The following KCNIP4 variants were observed in gnomAD, a reference collection of about 807,000 sequenced individuals.
KCNIP4 encodes potassium voltage-gated channel interacting protein 4.
Under a neutral mutation model 34.0 loss-of-function variants are expected in KCNIP4, and 12 were observed. The observed-to-expected ratio is 0.35, with a 90% CI of 0.23 to 0.57. The LOEUF (loss-of-function observed/expected upper bound fraction) is 0.57. Ranked by LOEUF, KCNIP4 falls within the 20% of genes least tolerant of loss-of-function variation. KCNIP4 has a pLI of 0.83. For synonymous variants in KCNIP4, 124 were observed against 102.2 expected (o/e 1.21, Z -1.29); for missense variants, 238 against 311.7 (o/e 0.76, Z 1.78).
chr4:21,464,916 G>A (rs1335608446), intron 1 of KCNIP4, among the ~76,000 whole-genome samples: 2 of 151,810 alleles, frequency 1.3e-5, no homozygotes, highest in Admixed American at 6.6e-5. Flanking sequence ...ACCCCTCTAC[G>A]ACCATGGAAA....
chr4:21,590,319 G>T (rs1234286340), intron 1 of KCNIP4, among the ~76,000 whole-genome samples: 3 of 151,990 alleles, frequency 2.0e-5, no homozygotes, highest in African/African-American at 4.8e-5. Context: ...GGATGGCATA[G>T]ACCTTATTTG....
At chr4:20,974,600 G>C (rs1268617920) in intron 1 of KCNIP4, among the ~76,000 whole-genome samples, 2 of 152,082 alleles carry the variant, frequency 1.3e-5, no homozygotes, top group Non-Finnish European at 2.9e-5. Context: ...TAAAAGTGTT[G>C]CTCAGATGCA....
chr4:21,090,036 T>C (rs535477033), intron 1 of KCNIP4, among the ~76,000 whole-genome samples: 1 of 152,294 alleles, frequency 6.6e-6, no homozygotes, highest in African/African-American at 2.4e-5. Context: ...TTTCATTTTA[T>C]AGTGTTCATT....
At chr4:21,424,096 G>A (rs962194504) in intron 1 of KCNIP4, among the ~76,000 whole-genome samples, 1 of 151,350 alleles carries the variant, frequency 6.6e-6, no homozygotes, top group Non-Finnish European at 1.5e-5. Flanking sequence ...TGGGATTACA[G>A]GCGTGAGCCA....
At chr4:21,238,521 C>A (rs1759547974) in intron 1 of KCNIP4, among the ~76,000 whole-genome samples, 1 of 152,178 alleles carries the variant, frequency 6.6e-6, no homozygotes, top group African/African-American at 2.4e-5. Context: ...TGATAAGCAA[C>A]TTCAGCAAAG....
intron 1 of KCNIP4, among the ~76,000 whole-genome samples, chr4:21,091,903 G>T (rs991378886): frequency 6.6e-6 from 1 of 152,030 alleles, no homozygotes; most frequent in African/African-American, 2.4e-5. Flanking sequence ...GCATTTTGAG[G>T]GGAAACCAAC....
intron 6 of KCNIP4, among the ~76,000 whole-genome samples, chr4:20,733,534 G>C (rs1014135302): frequency 6.6e-6 from 1 of 152,098 alleles, no homozygotes; most frequent in African/African-American, 2.4e-5. Context: ...ATAAATGATA[G>C]AGTAATTTGT....
At chr4:21,139,310 G>A (rs531458693) in intron 1 of KCNIP4, among the ~76,000 whole-genome samples, 10 of 152,154 alleles carry the variant, frequency 6.6e-5, no homozygotes, top group African/African-American at 1.4e-4. Context: ...AAATAGAAAC[G>A]TAAACAAAAG....
At chr4:21,286,085 T>C (rs1184022317) in intron 1 of KCNIP4, among the ~76,000 whole-genome samples, 3 of 152,232 alleles carry the variant, frequency 2.0e-5, no homozygotes, top group African/African-American at 7.2e-5. Flanking sequence ...TACATGTAGA[T>C]ACACAGGGGA....
At chr4:21,154,003 A>G (rs892125155) in intron 1 of KCNIP4, among the ~76,000 whole-genome samples, 3 of 152,150 alleles carry the variant, frequency 2.0e-5, no homozygotes, top group Non-Finnish European at 4.4e-5. Context: ...TGGAAAAAAA[A>G]GGTAAGAAAT....
chr4:21,197,905 A>G (rs1033254930), intron 1 of KCNIP4, among the ~76,000 whole-genome samples: 4 of 152,198 alleles, frequency 2.6e-5, no homozygotes, highest in Non-Finnish European at 5.9e-5. Context: ...AGTTTCAGTA[A>G]TAAGTCAATA....
intron 1 of KCNIP4, among the ~76,000 whole-genome samples, chr4:21,523,514 G>A (rs561023023): frequency 6.6e-5 from 10 of 151,822 alleles, no homozygotes; most frequent in South Asian, 2.1e-4. Context: ...TTCTTTTCTC[G>A]TTTCCTTTTC....
At chr4:21,508,396 CTTA>C (rs1451185535) in intron 1 of KCNIP4, among the ~76,000 whole-genome samples, 3 of 152,274 alleles carry the variant, frequency 2.0e-5, no homozygotes, top group Non-Finnish European at 4.4e-5. Flanking sequence ...TATAATTATG[CTTA>C]TTATGTTACA....
chr4:21,305,466 G>A (rs1712356595), intron 1 of KCNIP4, among the ~76,000 whole-genome samples: 1 of 152,188 alleles, frequency 6.6e-6, no homozygotes, highest in African/African-American at 2.4e-5. Context: ...ACCACCTCGG[G>A]TGCTTTTCAC....
chr4:21,877,020 C>T (rs1483295851), intron 1 of KCNIP4, among the ~76,000 whole-genome samples: 1 of 151,844 alleles, frequency 6.6e-6, no homozygotes, highest in East Asian at 1.9e-4. Flanking sequence ...AATACACTGA[C>T]TAAGAACAAT....
intron 1 of KCNIP4, among the ~76,000 whole-genome samples, chr4:21,128,382 C>T (rs1045441855): frequency 6.6e-6 from 1 of 152,156 alleles, no homozygotes; most frequent in Non-Finnish European, 1.5e-5. Flanking sequence ...CAGAACATGA[C>T]ACAGGAATCA....
Position 21,106,127 on chromosome 4 carries a change from G to A in KCNIP4, c.62-223418C>T, listed in dbSNP as rs1748505645. ...TGGCCTCATAAAATGAGTTAGGGAG[G>A]ATTCCCTCTTTTTCTATTGATTGGA... On this transcript the variant is annotated intron_variant, in intron 1 of 8. Coordinates refer to ENST00000382152, the MANE Select transcript of KCNIP4 (RefSeq NM_025221.6). Among the ~76,000 whole-genome samples, 3 of 151,698 alleles carry A rather than the reference G, an allele frequency of 2.0e-5. No homozygotes were observed. In the South Asian group the frequency reaches 6.2e-4, roughly 31 times the overall value.
intron 1 of KCNIP4, among the ~76,000 whole-genome samples, chr4:21,252,480 C>G (rs1476253764): frequency 3.3e-5 from 5 of 152,062 alleles, no homozygotes; most frequent in African/African-American, 1.2e-4. Context: ...ATGATACATA[C>G]CCATTATCGT....
intron 1 of KCNIP4, among the ~76,000 whole-genome samples, chr4:21,174,469 T>G (rs1325447520): frequency 6.6e-6 from 1 of 152,150 alleles, no homozygotes; most frequent in African/African-American, 2.4e-5. Flanking sequence ...TTCTTGACAT[T>G]TATTATGGAC....
Sources: allele counts gnomAD v4.1 joint callset (sites outside exome capture counted in the v4.1 genomes callset), GRCh38; gene constraint gnomAD v4.1.1; transcripts MANE v1.5; gene names NCBI Gene and HGNC (gene_info 2026-07-23, HGNC 2026-07-21).